DNAH11: variants seen among roughly 807,000 people sequenced by gnomAD.
DNAH11 encodes dynein axonemal heavy chain 11.
In DNAH11, 442 loss-of-function variants were observed where a neutral mutation model predicts 526.0. That is an observed-to-expected ratio of 0.84 (90% CI 0.78 to 0.91). The LOEUF (loss-of-function observed/expected upper bound fraction) is 0.91, where lower values mean the gene tolerates loss of function less well. DNAH11 is among the 40% of genes least tolerant of loss of function. The probability of loss-of-function intolerance (pLI) is 0.00; values close to 1 mark genes in which losing one functional copy is unlikely to be tolerated. For missense variants in DNAH11, 6,989 were observed against 5,448.7 expected (o/e 1.28, Z -8.90); for synonymous variants, 2,461 against 1,935.9 (o/e 1.27, Z -7.12).
rs374795653 is a variant in DNAH11, at chr7:21,570,368, A to T, written c.1425+69A>T. 7.8e-6 allele frequency: 10 copies of T among 1,277,232 alleles called. No homozygotes were observed. The South Asian group carries it at 1.3e-4, about 17-fold the overall frequency. The allele number at this position is 1,277,232 out of a possible 1,614,324, so 79.1% of individuals were successfully genotyped here. ...CAAAAAGCCAGTAGCTTTTCACATGATTCATGGAACAGTTTACTTTATATC... is the reference window on the plus strand; with the variant it reads ...CAAAAAGCCAGTAGCTTTTCACATGTTTCATGGAACAGTTTACTTTATATC... On this transcript the variant is annotated intron_variant, in intron 7 of 81. Coordinates refer to ENST00000409508, the MANE Select transcript of DNAH11 (RefSeq NM_001277115.2).
intron 76 of DNAH11, 82 bp from the exon 77 acceptor site, chr7:21,892,343 A>C: frequency 6.5e-7 from 1 of 1,529,082 alleles, no homozygotes; most frequent in Non-Finnish European, 8.8e-7. Flanking sequence ...CCTTCTTGTC[A>C]GGGTCTTCTC....
At chr7:21,820,307 AAT>A (rs1415937222) in intron 65 of DNAH11, among the ~76,000 whole-genome samples, 1 of 152,254 alleles carries the variant, frequency 6.6e-6, no homozygotes, top group East Asian at 1.9e-4. Context: ...ACCTATAAAC[AAT>A]CAGTGAATGT....
chr7:21,761,540 C>A (rs1786911956), intron 54 of DNAH11, among the ~76,000 whole-genome samples: 1 of 152,184 alleles, frequency 6.6e-6, no homozygotes, highest in African/African-American at 2.4e-5. Context: ...TAGGCTATCA[C>A]TGTGGGTGTC....
intron 65 of DNAH11, among the ~76,000 whole-genome samples, chr7:21,837,121 G>A (rs1363886758): frequency 6.6e-6 from 1 of 152,150 alleles, no homozygotes; most frequent in Admixed American, 6.5e-5. Context: ...TGGAGAAAAG[G>A]GGATGCTTAT....
intron 74 of DNAH11, among the ~76,000 whole-genome samples, chr7:21,878,429 AT>A (rs1783797225): frequency 6.6e-6 from 1 of 152,240 alleles, no homozygotes; most frequent in South Asian, 2.1e-4. Context: ...CCAAAGTGAA[AT>A]TTTGATACAT....
At chr7:21,694,175 A>G (rs540449212) in intron 35 of DNAH11, among the ~76,000 whole-genome samples, 1 of 152,190 alleles carries the variant, frequency 6.6e-6, no homozygotes, top group South Asian at 2.1e-4. Flanking sequence ...CCTTATTATT[A>G]TTTTTTAAGT....
At chr7:21,877,436 C>T (rs1338907679) in intron 74 of DNAH11, among the ~76,000 whole-genome samples, 2 of 152,132 alleles carry the variant, frequency 1.3e-5, no homozygotes. Flanking sequence ...CAAACTTTGG[C>T]ATGTGTATTC....
chr7:21,687,372 T>A lies in DNAH11; in HGVS notation c.5779-10T>A. ...CTGTTAAATTCTGAGTGCCTCACTT[T>A]ATCATTTAGTCCATAGGCAATATCT... On this transcript the variant is annotated splice_polypyrimidine_tract_variant and intron_variant, in intron 33 of 81. Transcript: ENST00000409508. 6.3e-7 allele frequency: 1 copy of A among 1,597,570 alleles called. No homozygotes were observed. The highest frequency in any genetic ancestry group is 8.5e-7 in the Non-Finnish European group (1 of 1,170,570).
chr7:21,587,621 A>G (rs1392564105), intron 9 of DNAH11, among the ~76,000 whole-genome samples: 1 of 152,128 alleles, frequency 6.6e-6, no homozygotes, highest in Non-Finnish European at 1.5e-5. Flanking sequence ...GGTGACTGGC[A>G]CATCTGGTAT....
intron 44 of DNAH11, among the ~76,000 whole-genome samples, chr7:21,724,276 A>T (rs186979591): frequency 3.5e-4 from 54 of 152,334 alleles, no homozygotes; most frequent in Middle Eastern, 3.4e-3. Flanking sequence ...CAATCTGAAA[A>T]TAATTTAAAT....
At position 21,724,908 on chromosome 7, in the gene DNAH11, A is replaced by G. The variant is rs79714065; in HGVS notation, c.7267-903A>G. ...CTGGGCCAGATTATCCTATGGATAT[A>G]GGAGTCACTGGGCCAGATCATCCTG... is the stretch of plus-strand genomic sequence containing the variant. On this transcript the variant is annotated intron_variant, in intron 44 of 81. Coordinates refer to ENST00000409508, the MANE Select transcript of DNAH11 (RefSeq NM_001277115.2). Among the ~76,000 whole-genome samples, 12 of 119,000 alleles carry G rather than the reference A, an allele frequency of 1.0e-4. No individual in the cohort carries two copies. In the East Asian group the frequency reaches 1.2e-3, roughly 12 times the overall value. 78.1% of individuals were successfully genotyped at this position (119,000 alleles called of 152,430 possible). A position where few individuals can be genotyped will look rare whatever the true frequency, so the allele number is the denominator to read the frequency against.
At chr7:21,607,698 G>A (rs980816241) in intron 20 of DNAH11, among the ~76,000 whole-genome samples, 5 of 151,800 alleles carry the variant, frequency 3.3e-5, no homozygotes, top group Admixed American at 6.6e-5. Context: ...TTTGGGATTC[G>A]AGGTGGGCAT....
chr7:21,631,700 T>G (rs898441304), intron 25 of DNAH11, among the ~76,000 whole-genome samples: 1 of 152,206 alleles, frequency 6.6e-6, no homozygotes, highest in Admixed American at 6.5e-5. Context: ...CCCACAGTCT[T>G]GGGCAGCTCC....
intron 25 of DNAH11, among the ~76,000 whole-genome samples, chr7:21,631,424 TCAAAGTCTCATCTGAGA>T (rs1562714686): frequency 6.6e-6 from 1 of 152,180 alleles, no homozygotes; most frequent in East Asian, 1.9e-4. Flanking sequence ...CCACAGTTGT[TCAAAGTCTCATCTGAGA>T]CAAGGCAAGT....
chr7:21,774,600 A>G (rs1420947301), intron 56 of DNAH11, among the ~76,000 whole-genome samples: 1 of 152,184 alleles, frequency 6.6e-6, no homozygotes, highest in African/African-American at 2.4e-5. Flanking sequence ...TTTCGTTGTT[A>G]AAAAAGGATT....
chr7:21,839,583 A>G (rs1782127334), intron 65 of DNAH11, among the ~76,000 whole-genome samples: 1 of 151,966 alleles, frequency 6.6e-6, no homozygotes, highest in Non-Finnish European at 1.5e-5. Context: ...TCAAAAAAAA[A>G]AAAAGGGGAC....
chr7:21,840,109 C>T (rs1214588404), intron 65 of DNAH11, among the ~76,000 whole-genome samples: 2 of 152,210 alleles, frequency 1.3e-5, no homozygotes, highest in Admixed American at 1.3e-4. Flanking sequence ...AATTATAAAA[C>T]ATCATCCAAG....
Position 21,641,253 on chromosome 7 carries a change from G to A in DNAH11, c.4944+2188G>A, listed in dbSNP as rs184876863. On this transcript the variant is annotated intron_variant, in intron 28 of 81. Transcript: ENST00000409508. Reference sequence around the variant, plus strand: ...CCTCTTCCTTGACCTTAGAGTGGAGGTTGGGGGACCCAGTCTTCTACCTTA... The same window carrying A: ...CCTCTTCCTTGACCTTAGAGTGGAGATTGGGGGACCCAGTCTTCTACCTTA... 5.9e-5 allele frequency among the ~76,000 whole-genome samples: 9 copies of A among 152,290 alleles called. No individual in the cohort carries two copies. In the East Asian group the frequency reaches 1.7e-3, roughly 29 times the overall value.
chr7:21,861,691 T>G (rs1783068962), intron 68 of DNAH11, among the ~76,000 whole-genome samples, 162 bp from the exon 69 acceptor site: 1 of 152,194 alleles, frequency 6.6e-6, no homozygotes, highest in Non-Finnish European at 1.5e-5. Flanking sequence ...AGCAAACATT[T>G]AATGAGCATG....
Sources: allele counts gnomAD v4.1 joint callset (sites outside exome capture counted in the v4.1 genomes callset), GRCh38; gene constraint gnomAD v4.1.1; transcripts MANE v1.5; gene names NCBI Gene and HGNC (gene_info 2026-07-23, HGNC 2026-07-21).